The following MKX variants were observed in gnomAD, a reference collection of about 807,000 sequenced individuals.
MKX encodes homeobox protein Mohawk.
A neutral mutation model predicts 36.0 loss-of-function variants in MKX; 13 were observed. That is an observed-to-expected ratio of 0.36 (90% CI 0.24 to 0.57). The LOEUF (loss-of-function observed/expected upper bound fraction) is 0.57. MKX is among the 20% of genes least tolerant of loss of function. MKX has a pLI of 0.79. For synonymous variants in MKX, 176 were observed against 178.3 expected (o/e 0.99, Z 0.10); for missense variants, 458 against 456.4 (o/e 1.00, Z -0.03).
At chr10:27,718,537 C>G in intron 5 of MKX, 1 of 410,214 alleles carries the variant, frequency 2.4e-6, no homozygotes. Flanking sequence ...GAATTCTTAG[C>G]TCCTTGTTTT....
intron 5 of MKX, among the ~76,000 whole-genome samples, chr10:27,678,439 G>A (rs12242657): frequency 0.052 from 7,871 of 152,238 alleles, 660 homozygotes; most frequent in African/African-American, 0.18. Context: ...CTTAAATAAC[G>A]TTAGGGAAAT....
At chr10:27,713,022 A>G (rs1364025970) in intron 5 of MKX, among the ~76,000 whole-genome samples, 2 of 152,190 alleles carry the variant, frequency 1.3e-5, no homozygotes, top group African/African-American at 4.8e-5. Context: ...CTTCAACTGT[A>G]CCACGTGCAC....
intron 5 of MKX, among the ~76,000 whole-genome samples, chr10:27,683,422 A>G (rs947249607): frequency 1.3e-5 from 2 of 152,250 alleles, no homozygotes; most frequent in Non-Finnish European, 2.9e-5. Context: ...GTTAGTACAC[A>G]CTACGAGATT....
intron 5 of MKX, among the ~76,000 whole-genome samples, chr10:27,724,635 T>A (rs1007738322): frequency 6.6e-6 from 1 of 152,090 alleles, no homozygotes; most frequent in Non-Finnish European, 1.5e-5. Flanking sequence ...GGCCACTTCC[T>A]GGTAATAACT....
chr10:27,678,276 T>C (rs970491876), intron 5 of MKX, among the ~76,000 whole-genome samples: 2 of 152,058 alleles, frequency 1.3e-5, no homozygotes, highest in East Asian at 1.9e-4. Flanking sequence ...AGCCAGCAAA[T>C]TGGACATTTT....
intron 5 of MKX, among the ~76,000 whole-genome samples, chr10:27,703,935 G>C (rs1224295942): frequency 6.6e-6 from 1 of 151,966 alleles, no homozygotes; most frequent in African/African-American, 2.4e-5. Flanking sequence ...GCAAATTTAT[G>C]ATGGTAGCAA....
intron 3 of MKX, among the ~76,000 whole-genome samples, chr10:27,739,325 T>C (rs1191931369): frequency 6.6e-6 from 1 of 152,104 alleles, no homozygotes; most frequent in Non-Finnish European, 1.5e-5. Context: ...CACTTTAAAG[T>C]TTCAGAAACT....
At chr10:27,691,429 G>T (rs980055998) in intron 5 of MKX, among the ~76,000 whole-genome samples, 2 of 152,122 alleles carry the variant, frequency 1.3e-5, no homozygotes, top group Non-Finnish European at 2.9e-5. Flanking sequence ...CGGTATAGCA[G>T]CACAAGGCAC....
chr10:27,685,662 G>A (rs1020078364), intron 5 of MKX, among the ~76,000 whole-genome samples: 8 of 152,098 alleles, frequency 5.3e-5, no homozygotes, highest in Non-Finnish European at 1.2e-4. Context: ...GTGTTAGCCA[G>A]GATGGTCTCA....
intron 3 of MKX, among the ~76,000 whole-genome samples, chr10:27,736,393 TA>T (rs1834778446): frequency 7.0e-6 from 1 of 142,370 alleles, no homozygotes; most frequent in South Asian, 2.3e-4. Flanking sequence ...CTTTTTTTTT[TA>T]AAGATGTTAC....
At chr10:27,692,289 A>G (rs1836468542) in intron 5 of MKX, among the ~76,000 whole-genome samples, 1 of 152,226 alleles carries the variant, frequency 6.6e-6, no homozygotes, top group African/African-American at 2.4e-5. Flanking sequence ...AAAACATCTC[A>G]GTTTACTTGC....
chr10:27,713,275 G>A (rs1836904981), intron 5 of MKX, among the ~76,000 whole-genome samples: 1 of 152,210 alleles, frequency 6.6e-6, no homozygotes, highest in Non-Finnish European at 1.5e-5. Flanking sequence ...AAGGATCAGA[G>A]ATACCCTTGT....
At chr10:27,720,450 TC>T (rs1834352416) in intron 5 of MKX, among the ~76,000 whole-genome samples, 6 of 152,042 alleles carry the variant, frequency 3.9e-5, no homozygotes, top group Admixed American at 3.3e-4. Context: ...ATAAAAACTT[TC>T]CCAAGAATTC....
chr10:27,687,837 G>A (rs886553338), intron 5 of MKX, among the ~76,000 whole-genome samples: 1 of 152,204 alleles, frequency 6.6e-6, no homozygotes, highest in African/African-American at 2.4e-5. Context: ...GTCAGCGGGG[G>A]ATGAGAAAGA....
At chr10:27,727,905 A>C (rs1192007003) in intron 5 of MKX, among the ~76,000 whole-genome samples, 1 of 152,232 alleles carries the variant, frequency 6.6e-6, no homozygotes, top group Non-Finnish European at 1.5e-5. Flanking sequence ...AGAAGAGAAG[A>C]AAATTCTCTA....
rs1274466160 is a variant in MKX at position 27,743,347 on chromosome 10, C to T, written c.69G>A (p.Arg23=). The T allele has an allele frequency of 6.3e-7, 1 of 1,583,748 alleles. No individual in the cohort carries two copies. The highest frequency in any genetic ancestry group is 8.6e-7 in the Non-Finnish European group (1 of 1,167,596). Residue 23 remains arginine (R), a synonymous_variant, in exon 2 of 7, where the codon CGG becomes CGA. Transcript: ENST00000419761. ...CGCTGTAGGGCCGGCCACCCCGCTC[C>T]CGCTCCGAGGCGCCTCCGTCCTCAA... ...VLFEDGGASE[R]ERGGRPYSGV...
rs531456383 is a variant in MKX, at chr10:27,682,649, C to T, written c.839-7095G>A. 6.5e-4 allele frequency among the ~76,000 whole-genome samples: 99 copies of T among 152,202 alleles called. 1 individual carries two copies. The Middle Eastern group carries it at 0.01, about 16-fold the overall frequency. On this transcript the variant is annotated intron_variant, in intron 5 of 6. Transcript: ENST00000419761. ...GGTGCGTTTCAGGATAAAACAGTTCCACCTCGGATCATCAGGCATTAGTTA... is the reference window on the plus strand; with the variant it reads ...GGTGCGTTTCAGGATAAAACAGTTCTACCTCGGATCATCAGGCATTAGTTA...
intron 5 of MKX, among the ~76,000 whole-genome samples, chr10:27,679,081 C>T (rs1043427361): frequency 1.3e-5 from 2 of 151,288 alleles, no homozygotes; most frequent in African/African-American, 4.9e-5. Flanking sequence ...TCTCCAATAA[C>T]AGAAAAAAAT....
chr10:27,741,834 C>T lies in MKX; in HGVS notation c.189-330G>A, dbSNP rs139393228. On this transcript the variant is annotated intron_variant, in intron 2 of 6. Coordinates refer to ENST00000419761, the MANE Select transcript of MKX (RefSeq NM_173576.3). The surrounding 1 kb of genome is among the most constrained non-coding windows in gnomAD (Gnocchi z 5.1). ...TCTGGGCAGCGGGGCTAACTGCTAC[C>T]CTTCCCTCACCCGCTGGCGCCGCAC... Among the ~76,000 whole-genome samples the T allele has an allele frequency of 4.4e-3, 663 of 152,332 alleles. 20 individuals are homozygous for T. Among genetic ancestry groups the T allele is most frequent in the Admixed American group, 0.039 (598 of 15,312 alleles).
Sources: gnomAD v4.1 joint callset for allele counts (sites outside exome capture counted in the v4.1 genomes callset) on GRCh38, gnomAD v4.1.1 for gene constraint, Gnocchi (gnomAD v3.1) non-coding constraint, MANE v1.5 for transcripts, NCBI Gene and HGNC (gene_info 2026-07-23, HGNC 2026-07-21) for gene names.